The following SLC8A3 variants were observed in gnomAD, a reference collection of about 807,000 sequenced individuals.
The protein encoded by SLC8A3 is sodium/calcium exchanger 3.
Under a neutral mutation model 65.4 loss-of-function variants are expected in SLC8A3, and 37 were observed. That is an observed-to-expected ratio of 0.57 (90% CI 0.44 to 0.74). SLC8A3 has a LOEUF of 0.74. Among genes scored for constraint, SLC8A3 ranks in the 30% least tolerant of loss-of-function variants. The pLI is 0.00. For synonymous variants in SLC8A3, 461 were observed against 444.5 expected (o/e 1.04, Z -0.47); for missense variants, 1,112 against 1,172.1 (o/e 0.95, Z 0.75).
intron 2 of SLC8A3, among the ~76,000 whole-genome samples, chr14:70,095,338 C>T (rs1167390069): frequency 6.6e-6 from 1 of 152,310 alleles, no homozygotes; most frequent in East Asian, 1.9e-4. Flanking sequence ...GTAGAGAAAC[C>T]ACATTTCCTG....
rs182160922 is a variant in SLC8A3 at position 70,156,932 on chromosome 14, C to T, written c.1784+9707G>A. On this transcript the variant is annotated intron_variant, in intron 2 of 6. Coordinates refer to ENST00000356921, the MANE Select transcript of SLC8A3 (RefSeq NM_182932.3). ...GTACCTGAAAACGACGGAAGATTATCTTCTGACGCTAGTGTCCTGGAGAGG... is the reference window on the plus strand; with the variant it reads ...GTACCTGAAAACGACGGAAGATTATTTTCTGACGCTAGTGTCCTGGAGAGG... Among the ~76,000 whole-genome samples, 78 of 152,288 alleles carry T rather than the reference C, an allele frequency of 5.1e-4. No homozygotes were observed. The Middle Eastern group carries it at 0.014, about 27-fold the overall frequency.
intron 2 of SLC8A3, among the ~76,000 whole-genome samples, chr14:70,159,408 G>A (rs1896751372): frequency 4.3e-5 from 1 of 23,464 alleles, no homozygotes; most frequent in Non-Finnish European, 9.4e-5. Context: ...GCAAGACTCT[G>A]TCAAAAAAAA....
chr14:70,089,722 C>T (rs1487778209), intron 2 of SLC8A3, among the ~76,000 whole-genome samples: 3 of 152,140 alleles, frequency 2.0e-5, no homozygotes, highest in South Asian at 2.1e-4. Flanking sequence ...TTCATTACAC[C>T]GTCGAGCCAT....
At chr14:70,075,121 G>GTA (rs1890367618) in intron 2 of SLC8A3, among the ~76,000 whole-genome samples, 1 of 152,124 alleles carries the variant, frequency 6.6e-6, no homozygotes, top group South Asian at 2.1e-4. Context: ...TCAACTGTGT[G>GTA]TATGTGTGTG....
intron 2 of SLC8A3, among the ~76,000 whole-genome samples, chr14:70,122,842 C>G (rs890316826): frequency 6.6e-6 from 1 of 152,052 alleles, no homozygotes; most frequent in African/African-American, 2.4e-5. Flanking sequence ...GAGGCTGAGG[C>G]AGGAGGATTG....
intron 3 of SLC8A3, among the ~76,000 whole-genome samples, chr14:70,059,900 A>G (rs984255903): frequency 1.3e-5 from 2 of 152,126 alleles, no homozygotes; most frequent in Admixed American, 6.5e-5. Flanking sequence ...GGGAATTTTC[A>G]TACCTGGAAC....
intron 2 of SLC8A3, among the ~76,000 whole-genome samples, chr14:70,150,553 G>A (rs936308689): frequency 6.6e-6 from 1 of 152,062 alleles, no homozygotes; most frequent in Non-Finnish European, 1.5e-5. Context: ...AGGCAAACCC[G>A]GACATGAACT....
chr14:70,054,025 A>T (rs1030823660), intron 3 of SLC8A3, among the ~76,000 whole-genome samples: 1 of 152,214 alleles, frequency 6.6e-6, no homozygotes, highest in African/African-American at 2.4e-5. Flanking sequence ...TTTCAAGTAA[A>T]GAGAATAAAT....
chr14:70,066,270 G>A (rs1290209955), intron 2 of SLC8A3, among the ~76,000 whole-genome samples: 1 of 152,170 alleles, frequency 6.6e-6, no homozygotes, highest in Non-Finnish European at 1.5e-5. Context: ...ACTGGAGAAA[G>A]TCCTTACTTC....
At chr14:70,081,876 A>T (rs1410174551) in intron 2 of SLC8A3, among the ~76,000 whole-genome samples, 1 of 152,208 alleles carries the variant, frequency 6.6e-6, no homozygotes, top group African/African-American at 2.4e-5. Context: ...GAGATTCTGA[A>T]GGTGCTGTTG....
chr14:70,157,420 C>A (rs1896636859), intron 2 of SLC8A3, among the ~76,000 whole-genome samples: 1 of 152,102 alleles, frequency 6.6e-6, no homozygotes, highest in Non-Finnish European at 1.5e-5. Context: ...TGACACAGGG[C>A]AACCAGCTCA....
At chr14:70,054,134 A>T (rs1354892856) in intron 3 of SLC8A3, among the ~76,000 whole-genome samples, 1 of 152,118 alleles carries the variant, frequency 6.6e-6, no homozygotes, top group Non-Finnish European at 1.5e-5. Flanking sequence ...TATGAATAGG[A>T]TGGAAGATTG....
Position 70,050,967 on chromosome 14 carries a change from G to A in SLC8A3, c.2113+41C>T, listed in dbSNP as rs369476649. The A allele has an allele frequency of 2.3e-6, 3 of 1,308,114 alleles. No individual in the cohort carries two copies. The African/African-American group carries it at 4.3e-5, about 19-fold the overall frequency. The allele number at this position is 1,308,114 out of a possible 1,614,324, so 81.0% of individuals were successfully genotyped here. On this transcript the variant is annotated intron_variant, in intron 5 of 6. Coordinates refer to ENST00000356921, the MANE Select transcript of SLC8A3 (RefSeq NM_182932.3). ...GCTTTACGCTTCCTTCTCAGAGGTT[G>A]CCTGCTTCTCCCAGCAAGGCCAGCC...
chr14:70,180,626 T>C (rs754192239), intron 1 of SLC8A3, among the ~76,000 whole-genome samples: 1 of 152,208 alleles, frequency 6.6e-6, no homozygotes, highest in Non-Finnish European at 1.5e-5. Flanking sequence ...AGGTGGAGCA[T>C]CTAGAAAGCC....
chr14:70,061,818 T>A (rs1355936571), intron 2 of SLC8A3, among the ~76,000 whole-genome samples: 2 of 152,288 alleles, frequency 1.3e-5, no homozygotes, highest in South Asian at 4.1e-4. Flanking sequence ...GTTTCCTCAA[T>A]GTGAATTATC....
At chr14:70,116,130 G>A (rs144414816) in intron 2 of SLC8A3, among the ~76,000 whole-genome samples, 1 of 152,136 alleles carries the variant, frequency 6.6e-6, no homozygotes, top group African/African-American at 2.4e-5. Context: ...GCTCAGAGAG[G>A]GGGTCATAGA....
At chr14:70,099,798 C>G (rs1267183002) in intron 2 of SLC8A3, among the ~76,000 whole-genome samples, 1 of 152,196 alleles carries the variant, frequency 6.6e-6, no homozygotes, top group Non-Finnish European at 1.5e-5. Context: ...CAATGCTTCC[C>G]ATGGGTGCAG....
intron 3 of SLC8A3, among the ~76,000 whole-genome samples, chr14:70,057,441 G>A (rs373960244): frequency 6.6e-6 from 1 of 152,114 alleles, no homozygotes; most frequent in Non-Finnish European, 1.5e-5. Flanking sequence ...AACACAGGTG[G>A]GTCAGACAAA....
chr14:70,158,725 T>C (rs993721851), intron 2 of SLC8A3, among the ~76,000 whole-genome samples: 64 of 152,282 alleles, frequency 4.2e-4, no homozygotes, highest in African/African-American at 1.5e-3. Context: ...TATACACATA[T>C]CCAGTTTTCA....
Sources: allele counts gnomAD v4.1 joint callset (sites outside exome capture counted in the v4.1 genomes callset), GRCh38; gene constraint gnomAD v4.1.1; transcripts MANE v1.5; gene names NCBI Gene and HGNC (gene_info 2026-07-23, HGNC 2026-07-21).